Variants in GALNT13 observed in about 807,000 individuals in gnomAD.
The protein encoded by GALNT13 is polypeptide N-acetylgalactosaminyltransferase 13.
In GALNT13, 28 loss-of-function variants were observed where a neutral mutation model predicts 64.2. The observed-to-expected ratio is 0.44, with a 90% confidence interval of 0.32 to 0.60. The LOEUF is 0.60. Among genes scored for constraint, GALNT13 ranks in the 20% least tolerant of loss-of-function variants. The probability of loss-of-function intolerance (pLI) is 0.05; values close to 1 mark genes in which losing one functional copy is unlikely to be tolerated. For missense variants in GALNT13, 577 were observed against 669.8 expected, an observed-to-expected ratio of 0.86 and a Z score of 1.53; for synonymous variants, 214 against 224.6, an observed-to-expected ratio of 0.95 and a Z score of 0.42.
chr2:154,451,102 C>A lies in GALNT13; in HGVS notation c.*551C>A, dbSNP rs1039813822. Reference sequence around the variant, plus strand: ...AAAACATTACATTGGATATTGAATTCATGGAGCCTTTACAGAAGCATCACA... The same window carrying A: ...AAAACATTACATTGGATATTGAATTAATGGAGCCTTTACAGAAGCATCACA... On this transcript the variant is annotated 3_prime_UTR_variant, in exon 13 of 13. Transcript: ENST00000392825. 1 of 152,114 alleles carries A rather than the reference C, an allele frequency of 6.6e-6. No homozygotes were observed. Among genetic ancestry groups the A allele is most frequent in the Non-Finnish European group, 1.5e-5 (1 of 68,084 alleles). The allele number at this position is 152,114 out of a possible 1,614,324, so 9.4% of individuals were successfully genotyped here. A position where few individuals can be genotyped will look rare whatever the true frequency, so the allele number is the denominator to read the frequency against.
At chr2:153,819,461 T>A in the GALNT13 span, among the ~76,000 whole-genome samples, 1 of 152,228 alleles carries the variant, frequency 6.6e-6, no homozygotes, top group East Asian at 1.9e-4. Context: ...CACAGAGACT[T>A]CAGTGCACTT....
the GALNT13 span, among the ~76,000 whole-genome samples, chr2:153,777,605 C>T: frequency 6.6e-6 from 1 of 152,094 alleles, no homozygotes; most frequent in Non-Finnish European, 1.5e-5. Flanking sequence ...TTGGCCAATG[C>T]AGTAATGTCA....
At chr2:153,717,969 T>G in the GALNT13 span, among the ~76,000 whole-genome samples, 1 of 152,214 alleles carries the variant, frequency 6.6e-6, no homozygotes, top group Non-Finnish European at 1.5e-5. Flanking sequence ...TAGTTTTTTT[T>G]TTTATTCAAA....
chr2:154,314,041 C>T (rs1694200163), intron 9 of GALNT13, among the ~76,000 whole-genome samples: 1 of 152,086 alleles, frequency 6.6e-6, no homozygotes, highest in African/African-American at 2.4e-5. Context: ...ATCAAGAACA[C>T]TTATGAAAAA....
At chr2:154,028,945 T>C (rs1042253958) in intron 3 of GALNT13, among the ~76,000 whole-genome samples, 4 of 152,006 alleles carry the variant, frequency 2.6e-5, no homozygotes, top group Non-Finnish European at 5.9e-5. Flanking sequence ...CCAGCTAACC[T>C]GAAACTTAGG....
In GALNT13 at chr2:154,202,140, T is replaced by TAAA. The variant is rs1687204418; in HGVS notation, c.312-39889_312-39888insAAA. On this transcript the variant is annotated intron_variant, in intron 4 of 12. Transcript: ENST00000392825. ...CTGTCTAGCAGGGGAGAAAAATAACTATATTATAGAAGAATAATGCAGACA... is the reference window on the plus strand; with the variant it reads ...CTGTCTAGCAGGGGAGAAAAATAACTAAAATATTATAGAAGAATAATGCAGACA... Among the ~76,000 whole-genome samples, 3 of 152,098 alleles carry TAAA rather than the reference T, an allele frequency of 2.0e-5. No individual in the cohort carries two copies. In the South Asian group the frequency reaches 6.2e-4, roughly 32 times the overall value.
At chr2:153,452,443 A>G in the GALNT13 span, among the ~76,000 whole-genome samples, 2 of 151,984 alleles carry the variant, frequency 1.3e-5, no homozygotes, top group South Asian at 4.2e-4. Flanking sequence ...GCACCACTGC[A>G]CTCCAGCCTA....
the GALNT13 span, among the ~76,000 whole-genome samples, chr2:153,769,914 G>A: frequency 3.4e-4 from 52 of 152,074 alleles, no homozygotes; most frequent in African/African-American, 1.1e-3. Flanking sequence ...TTCATTTCTA[G>A]GAGTTCTGTT....
chr2:154,287,563 T>C (rs2105952868), intron 8 of GALNT13: 2 of 241,016 alleles, frequency 8.3e-6, no homozygotes, highest in Non-Finnish European at 8.4e-6. Context: ...CTTCTTCTGC[T>C]TGTTCTACTT....
the GALNT13 span, among the ~76,000 whole-genome samples, chr2:153,333,576 GA>G: frequency 2.6e-5 from 4 of 151,468 alleles, no homozygotes; most frequent in African/African-American, 7.3e-5. Flanking sequence ...CTACCATCTT[GA>G]AAAAAAACTG....
chr2:154,130,006 C>T (rs1046932241), intron 3 of GALNT13, among the ~76,000 whole-genome samples: 4 of 152,116 alleles, frequency 2.6e-5, no homozygotes, highest in South Asian at 4.1e-4. Context: ...CCTGATGGAA[C>T]GATTTCCTTT....
At chr2:154,202,192 C>T (rs1383378172) in intron 4 of GALNT13, among the ~76,000 whole-genome samples, 1 of 152,010 alleles carries the variant, frequency 6.6e-6, no homozygotes, top group Non-Finnish European at 1.5e-5. Flanking sequence ...GGAGTGTCTA[C>T]TGTGGAAAAG....
At chr2:154,048,948 C>T (rs1288738885) in intron 3 of GALNT13, among the ~76,000 whole-genome samples, 4 of 151,404 alleles carry the variant, frequency 2.6e-5, no homozygotes, top group African/African-American at 9.7e-5. Flanking sequence ...AAATGAGACA[C>T]ATCACAGTCA....
At chr2:153,585,474 G>A in the GALNT13 span, among the ~76,000 whole-genome samples, 1 of 152,196 alleles carries the variant, frequency 6.6e-6, no homozygotes, top group Non-Finnish European at 1.5e-5. Context: ...TTTCCTGGGT[G>A]TGAAGAGAGG....
chr2:153,139,394 A>G, the GALNT13 span, among the ~76,000 whole-genome samples: 5 of 151,992 alleles, frequency 3.3e-5, no homozygotes, highest in African/African-American at 9.7e-5. Context: ...GAGGTCCCTG[A>G]CTTTAAGTTG....
chr2:154,431,159 A>C (rs2105448361), intron 11 of GALNT13, among the ~76,000 whole-genome samples: 1 of 152,306 alleles, frequency 6.6e-6, no homozygotes, highest in African/African-American at 2.4e-5. Flanking sequence ...TGGATTAAAA[A>C]AAGGAAAGAA....
chr2:154,088,563 C>A (rs1188147940), intron 3 of GALNT13, among the ~76,000 whole-genome samples: 1 of 152,084 alleles, frequency 6.6e-6, no homozygotes, highest in Non-Finnish European at 1.5e-5. Context: ...GGGATTCTCC[C>A]ACCTCAGCCT....
chr2:154,262,958 A>G (rs1690779415), intron 8 of GALNT13, among the ~76,000 whole-genome samples: 1 of 152,150 alleles, frequency 6.6e-6, no homozygotes, highest in Non-Finnish European at 1.5e-5. Flanking sequence ...CAGGATAAGT[A>G]TCAACCAACA....
At chr2:154,271,651 A>G (rs939442158) in intron 8 of GALNT13, among the ~76,000 whole-genome samples, 3 of 151,910 alleles carry the variant, frequency 2.0e-5, no homozygotes, top group Non-Finnish European at 2.9e-5. Context: ...GGAGAATTGT[A>G]AGCATATACT....
Sources: gnomAD v4.1 joint callset for allele counts (sites outside exome capture counted in the v4.1 genomes callset) on GRCh38, gnomAD v4.1.1 for gene constraint, MANE v1.5 for transcripts, NCBI Gene and HGNC (gene_info 2026-07-23, HGNC 2026-07-21) for gene names.